Variants in FRMD4A observed in about 807,000 individuals in gnomAD.
FRMD4A encodes FERM domain containing 4A.
Under a neutral mutation model 129.1 loss-of-function variants are expected in FRMD4A, and 29 were observed. The ratio of observed to expected loss-of-function variants is 0.22; its 90% CI spans 0.17 to 0.31. The LOEUF (loss-of-function observed/expected upper bound fraction) is 0.31. Ranked by LOEUF, FRMD4A falls within the 10% of genes least tolerant of loss-of-function variation. FRMD4A has a pLI of 1.00. For synonymous variants in FRMD4A, 634 were observed against 571.6 expected, an observed-to-expected ratio of 1.11 and a Z score of -1.56; for missense variants, 1,272 against 1,375.8, an observed-to-expected ratio of 0.92 and a Z score of 1.19.
In FRMD4A at chr10:13,680,470, A is replaced by G. The variant is rs752068619; in HGVS notation, c.1118-5426T>C. 5.3e-5 allele frequency among the ~76,000 whole-genome samples: 8 copies of G among 151,266 alleles called. No individual in the cohort carries two copies. In the East Asian group the frequency reaches 1.4e-3, roughly 26 times the overall value. On this transcript the variant is annotated intron_variant, in intron 15 of 24. Transcript: ENST00000357447. ...GGGCTGGGTGTCGTGGCTCATGCCT[A>G]TAATCCCAGCACTTTGGGAGGCCGA...
intron 2 of FRMD4A, among the ~76,000 whole-genome samples, chr10:14,308,253 C>T (rs1203610713): frequency 6.6e-6 from 1 of 152,192 alleles, no homozygotes; most frequent in Admixed American, 6.5e-5. Context: ...ATCCACATCC[C>T]TTTAATTGGT....
At chr10:14,122,960 T>C (rs943640607) in intron 2 of FRMD4A, among the ~76,000 whole-genome samples, 11 of 152,336 alleles carry the variant, frequency 7.2e-5, no homozygotes, top group Admixed American at 7.2e-4. Context: ...TAATATATTG[T>C]TGCTAACTAT....
intron 2 of FRMD4A, among the ~76,000 whole-genome samples, chr10:14,181,161 C>G (rs1378078882): frequency 6.6e-6 from 1 of 152,208 alleles, no homozygotes; most frequent in Non-Finnish European, 1.5e-5. Flanking sequence ...AACTGCTTTT[C>G]TTCATTATCA....
chr10:13,807,058 C>T (rs1588836335), intron 4 of FRMD4A, among the ~76,000 whole-genome samples: 1 of 152,172 alleles, frequency 6.6e-6, no homozygotes, highest in Admixed American at 6.5e-5. Context: ...CCGCCCACCT[C>T]GGCCTCCCAA....
chr10:13,858,697 A>T, intron 3 of FRMD4A, 150 bp downstream of exon 3: 1 of 673,648 alleles, frequency 1.5e-6, no homozygotes, highest in Non-Finnish European at 2.7e-6. Flanking sequence ...CACACACAAA[A>T]CACCCTGGTG....
rs745902269 is a variant in FRMD4A, at chr10:13,657,250, C to G, written c.2339G>C (p.Arg780Pro). 2 of 1,592,118 alleles carry G rather than the reference C, an allele frequency of 1.3e-6. No homozygotes were observed. Among genetic ancestry groups the G allele is most frequent in the Non-Finnish European group, 1.7e-6 (2 of 1,173,256 alleles). ...CCGCTGCCGCTGCCTCTGCCTCTGG[C>G]GCGCCTTGGACGGCGAGTCCTCGGC... Reference protein sequence around the residue: ...TLAEDSPSKARQRQRQRQRAA... With the variant: ...TLAEDSPSKAPQRQRQRQRAA... Residue 780 changes from arginine (R) to proline (P), a missense_variant, in exon 22 of 25, where the codon CGC becomes CCC. Transcript: ENST00000357447.
At chr10:13,675,475 C>T (rs1013690092) in intron 15 of FRMD4A, among the ~76,000 whole-genome samples, 6 of 152,198 alleles carry the variant, frequency 3.9e-5, no homozygotes, top group South Asian at 2.1e-4. Context: ...GATCTCGGCT[C>T]GCTGCAACCT....
At chr10:13,724,312 C>T (rs1425196611) in intron 12 of FRMD4A, among the ~76,000 whole-genome samples, 5 of 151,946 alleles carry the variant, frequency 3.3e-5, no homozygotes, top group African/African-American at 4.8e-5. Context: ...GGTGTGAACC[C>T]GGGAGGCGGA....
chr10:13,667,283 C>G (rs1032698267), intron 17 of FRMD4A: 1 of 152,316 alleles, frequency 6.6e-6, no homozygotes, highest in African/African-American at 2.4e-5. Flanking sequence ...TGCTAGGCTA[C>G]AGCCGGGCCC....
At chr10:13,824,434 G>C (rs558384988) in intron 3 of FRMD4A, among the ~76,000 whole-genome samples, 1 of 151,664 alleles carries the variant, frequency 6.6e-6, no homozygotes, top group East Asian at 1.9e-4. Flanking sequence ...AGGTTGCAGT[G>C]AGCTGAGATT....
In FRMD4A at chr10:13,995,960, A is replaced by G. The variant is rs576578127; in HGVS notation, c.46-137048T>C. Among the ~76,000 whole-genome samples the G allele has an allele frequency of 7.9e-5, 12 of 152,200 alleles. No homozygotes were observed. In the South Asian group the frequency reaches 1.2e-3, roughly 16 times the overall value. ...GGCATCTTAGCCTCTCCATGCTGCTATAACAAATCCCATAAACTGGGGAGC... is the reference window on the plus strand; with the variant it reads ...GGCATCTTAGCCTCTCCATGCTGCTGTAACAAATCCCATAAACTGGGGAGC... On this transcript the variant is annotated intron_variant, in intron 2 of 24. Coordinates refer to ENST00000357447, the MANE Select transcript of FRMD4A (RefSeq NM_018027.5).
At chr10:13,744,104 G>C (rs1037710484) in intron 9 of FRMD4A, among the ~76,000 whole-genome samples, 1 of 152,174 alleles carries the variant, frequency 6.6e-6, no homozygotes, top group Non-Finnish European at 1.5e-5. Flanking sequence ...GGTGATGGAA[G>C]GGGAAACAGG....
chr10:14,081,889 T>C (rs1835949338), intron 2 of FRMD4A, among the ~76,000 whole-genome samples: 1 of 152,232 alleles, frequency 6.6e-6, no homozygotes, highest in Admixed American at 6.5e-5. Context: ...AACACATCAC[T>C]TTTATTAGGT....
chr10:14,274,842 G>A (rs796868327), intron 2 of FRMD4A, among the ~76,000 whole-genome samples: 18 of 152,296 alleles, frequency 1.2e-4, no homozygotes, highest in African/African-American at 3.9e-4. Context: ...CTGCACCAGG[G>A]ATGCTCCCAG....
chr10:13,789,179 C>T (rs1009573354), intron 5 of FRMD4A, among the ~76,000 whole-genome samples: 1 of 152,194 alleles, frequency 6.6e-6, no homozygotes, highest in Non-Finnish European at 1.5e-5. Context: ...TTAACTGGGA[C>T]ACCTAGCTGA....
chr10:13,817,618 T>A (rs1383891163), intron 3 of FRMD4A, among the ~76,000 whole-genome samples: 1 of 152,238 alleles, frequency 6.6e-6, no homozygotes, highest in Non-Finnish European at 1.5e-5. Context: ...TCTCACAAGA[T>A]CTGACGGTTT....
chr10:14,054,581 A>T (rs1834420270), intron 2 of FRMD4A, among the ~76,000 whole-genome samples: 1 of 152,160 alleles, frequency 6.6e-6, no homozygotes, highest in Non-Finnish European at 1.5e-5. Context: ...ATACCTGGGC[A>T]GTGTCCACTG....
chr10:13,938,589 T>C (rs530753379), intron 2 of FRMD4A, among the ~76,000 whole-genome samples: 1 of 152,298 alleles, frequency 6.6e-6, no homozygotes, highest in East Asian at 1.9e-4. Flanking sequence ...GTTCTTCTAT[T>C]GCCTCAATAG....
intron 3 of FRMD4A, among the ~76,000 whole-genome samples, chr10:13,857,398 A>G (rs1338598607): frequency 6.6e-6 from 1 of 152,216 alleles, no homozygotes; most frequent in African/African-American, 2.4e-5. Flanking sequence ...TACTATGATT[A>G]CAGCCATGCA....
Sources: gnomAD v4.1 joint callset for allele counts (sites outside exome capture counted in the v4.1 genomes callset) on GRCh38, gnomAD v4.1.1 for gene constraint, MANE v1.5 for transcripts, NCBI Gene and HGNC (gene_info 2026-07-23, HGNC 2026-07-21) for gene names.